Variants in KDM2A observed in about 807,000 individuals in gnomAD.
KDM2A encodes the protein lysine demethylase 2A, also known as lysine-specific demethylase 2A.
In KDM2A, 3 loss-of-function variants were observed where a neutral mutation model predicts 137.3. That is an observed-to-expected ratio of 0.02 (90% CI 0.01 to 0.06). The LOEUF is 0.06. KDM2A is among the 10% of genes least tolerant of loss of function. The pLI, the probability that KDM2A is intolerant of heterozygous loss-of-function variation, is 1.00. For missense variants in KDM2A, 738 were observed against 1,510.6 expected (o/e 0.49, Z 8.48); for synonymous variants, 512 against 541.5 (o/e 0.95, Z 0.76).
chr11:67,240,190 G>A, intron 12 of KDM2A: 1 of 1,530,678 alleles, frequency 6.5e-7, no homozygotes, highest in South Asian at 1.2e-5. Flanking sequence ...AAGGGTCAGA[G>A]CTGGACTGCC....
chr11:67,142,593 T>TGGGGTG (rs1856135683), intron 2 of KDM2A, among the ~76,000 whole-genome samples: 12 of 24,478 alleles, frequency 4.9e-4, no homozygotes, highest in Non-Finnish European at 6.0e-4. Flanking sequence ...GGGTTGGGGT[T>TGGGGTG]GGGGGGGCGT....
intron 10 of KDM2A, among the ~76,000 whole-genome samples, chr11:67,224,434 C>T (rs1367740783): frequency 6.7e-6 from 1 of 150,028 alleles, no homozygotes; most frequent in Admixed American, 6.7e-5. Context: ...TAGTGAGACC[C>T]TGTCCGTACC....
At chr11:67,125,730 G>C (rs1218606223) in intron 2 of KDM2A, among the ~76,000 whole-genome samples, 1 of 149,608 alleles carries the variant, frequency 6.7e-6, no homozygotes, top group Non-Finnish European at 1.5e-5. Flanking sequence ...ACTAAGCAGA[G>C]ATTGCGCCAC....
chr11:67,129,786 C>T (rs1487033067), intron 2 of KDM2A, among the ~76,000 whole-genome samples: 1 of 150,614 alleles, frequency 6.6e-6, no homozygotes. Context: ...TGGCACATGC[C>T]TGTAATCCCA....
intron 2 of KDM2A, among the ~76,000 whole-genome samples, chr11:67,130,032 T>C (rs1381783838): frequency 6.6e-6 from 1 of 151,228 alleles, no homozygotes. Flanking sequence ...GTGCGATCTC[T>C]GCTCACTGCA....
chr11:67,238,192 G>T (rs1042353427), intron 12 of KDM2A, among the ~76,000 whole-genome samples: 1 of 152,074 alleles, frequency 6.6e-6, no homozygotes, highest in South Asian at 2.1e-4. Context: ...TTAGCAGGAG[G>T]GGGTAAAGTT....
chr11:67,154,749 A>T (rs1025883213), intron 2 of KDM2A, among the ~76,000 whole-genome samples: 1 of 152,090 alleles, frequency 6.6e-6, no homozygotes, highest in African/African-American at 2.4e-5. Context: ...TGGGTGTTTC[A>T]TGTAAATGGA....
intron 10 of KDM2A, among the ~76,000 whole-genome samples, chr11:67,225,018 G>C (rs182501096): frequency 1.7e-4 from 26 of 151,470 alleles, no homozygotes; most frequent in African/African-American, 6.3e-4. Flanking sequence ...TGTATTTCTA[G>C]TAGAGACGGG....
chr11:67,155,783 A>G (rs1406177789), intron 2 of KDM2A, among the ~76,000 whole-genome samples: 81 of 150,722 alleles, frequency 5.4e-4, no homozygotes, highest in Non-Finnish European at 3.0e-5. Context: ...TACCCAGCTA[A>G]TTTTGTATTT....
chr11:67,180,773 C>T (rs796688890), intron 3 of KDM2A, among the ~76,000 whole-genome samples: 12 of 151,930 alleles, frequency 7.9e-5, no homozygotes, highest in African/African-American at 2.9e-4. Context: ...CTACCTCAGC[C>T]TCCTGAGTAG....
intron 2 of KDM2A, among the ~76,000 whole-genome samples, chr11:67,168,582 T>TAATAAACACAC (rs879358615): frequency 5.9e-5 from 2 of 33,984 alleles, no homozygotes; most frequent in African/African-American, 2.7e-4. Flanking sequence ...GTATGAATTA[T>TAATAAACACAC]ACACACACAC....
At chr11:67,133,710 G>C (rs1466827732) in intron 2 of KDM2A, among the ~76,000 whole-genome samples, 4 of 150,012 alleles carry the variant, frequency 2.7e-5, no homozygotes, top group Non-Finnish European at 5.9e-5. Context: ...GCTTCCAACT[G>C]TGGTTTTTTT....
chr11:67,214,205 T>G, intron 6 of KDM2A, among the ~76,000 whole-genome samples: 1 of 95,582 alleles, frequency 1.0e-5, no homozygotes. Context: ...CATGCGCAGC[T>G]AATTTTTTTT....
intron 2 of KDM2A, among the ~76,000 whole-genome samples, chr11:67,135,332 G>A (rs1014701779): frequency 2.0e-5 from 3 of 152,110 alleles, no homozygotes; most frequent in Non-Finnish European, 4.4e-5. Context: ...CAAAAGTGTT[G>A]GGATTACAAG....
rs1859636995 is a variant in KDM2A at position 67,257,019 on chromosome 11, T to C, written c.*1964T>C. 6.6e-6 allele frequency: 1 copy of C among 152,584 alleles called. No individual in the cohort carries two copies. The highest frequency in any genetic ancestry group is 2.4e-5 in the African/African-American group (1 of 41,440). 9.5% of individuals were successfully genotyped at this position (152,584 alleles called of 1,614,324 possible). The stretch of plus-strand genomic sequence containing the variant: ...GTATTGAGCAAAAACCTTATTATCG[T>C]TAATGACCTATAATTGGAAGCTTCC... On this transcript the variant is annotated 3_prime_UTR_variant, in exon 21 of 21. Transcript: ENST00000529006.
chr11:67,165,948 A>G (rs1394871490), intron 2 of KDM2A, among the ~76,000 whole-genome samples: 1 of 152,114 alleles, frequency 6.6e-6, no homozygotes, highest in Non-Finnish European at 1.5e-5. Context: ...TATTCTAGGA[A>G]CTAAATTGGC....
In KDM2A at chr11:67,217,487, A is replaced by C. The variant is rs185442762; in HGVS notation, c.688-244A>C. 1.6e-5 allele frequency: 8 copies of C among 494,132 alleles called. No homozygotes were observed. The Admixed American group carries it at 2.4e-4, about 15-fold the overall frequency. 30.6% of individuals were successfully genotyped at this position (494,132 alleles called of 1,614,324 possible). On this transcript the variant is annotated intron_variant, in intron 8 of 20. Transcript: ENST00000529006. ...AGCTGAATGGTCCCTCTTCTCTCCG[A>C]GTCCTGGATGGTGTATAGTCAAACC...
intron 5 of KDM2A, among the ~76,000 whole-genome samples, chr11:67,191,864 G>A (rs963361351): frequency 1.3e-5 from 2 of 152,250 alleles, no homozygotes; most frequent in East Asian, 1.9e-4. Flanking sequence ...GAAAGAAAAG[G>A]CATACAAATT....
intron 9 of KDM2A, 40 bp downstream of exon 9, chr11:67,217,924 T>A: frequency 6.6e-7 from 1 of 1,518,120 alleles, no homozygotes; most frequent in Non-Finnish European, 8.8e-7. Context: ...AGCCATTTTT[T>A]TCCTTAATGA....
Sources: allele counts gnomAD v4.1 joint callset (sites outside exome capture counted in the v4.1 genomes callset), GRCh38; gene constraint gnomAD v4.1.1; transcripts MANE v1.5; gene names NCBI Gene and HGNC (gene_info 2026-07-23, HGNC 2026-07-21).